The following RBFOX1 variants were observed in gnomAD, a reference collection of about 807,000 sequenced individuals.
RBFOX1 encodes the protein RNA binding fox-1 homolog 1.
Under a neutral mutation model 57.7 loss-of-function variants are expected in RBFOX1, and 8 were observed. That is an observed-to-expected ratio of 0.14 (90% confidence interval 0.08 to 0.25). The LOEUF (loss-of-function observed/expected upper bound fraction) is 0.25, where lower values mean the gene tolerates loss of function less well. Among genes scored for constraint, RBFOX1 ranks in the 10% least tolerant of loss-of-function variants. RBFOX1 has a pLI of 1.00. For missense variants in RBFOX1, 611 were observed against 548.5 expected (o/e 1.11, Z -1.14); for synonymous variants, 326 against 222.4 (o/e 1.47, Z -4.15).
At chr16:7,471,955 C>G (rs948283189) in intron 4 of RBFOX1, among the ~76,000 whole-genome samples, 1 of 151,970 alleles carries the variant, frequency 6.6e-6, no homozygotes, top group African/African-American at 2.4e-5. Flanking sequence ...AAGAAGCTGA[C>G]AAAAAAGGTG....
intron 3 of RBFOX1, among the ~76,000 whole-genome samples, chr16:6,809,412 A>T (rs114361845): frequency 1.3e-5 from 2 of 152,192 alleles, no homozygotes; most frequent in African/African-American, 2.4e-5. Flanking sequence ...ATTATTTTTT[A>T]AAATTTTTGT....
chr16:5,696,683 A>G (rs752776975), intron 3 of RBFOX1, among the ~76,000 whole-genome samples: 7 of 152,156 alleles, frequency 4.6e-5, no homozygotes, highest in African/African-American at 9.7e-5. Context: ...TTTGATATGA[A>G]TTGCATGGAA....
chr16:5,734,843 G>C (rs1158197252), intron 3 of RBFOX1, among the ~76,000 whole-genome samples: 1 of 152,156 alleles, frequency 6.6e-6, no homozygotes, highest in East Asian at 1.9e-4. Flanking sequence ...GTTTAAGAAA[G>C]GTCACTGCAA....
chr16:5,890,284 A>T (rs866688824), intron 4 of RBFOX1, among the ~76,000 whole-genome samples: 1 of 152,192 alleles, frequency 6.6e-6, no homozygotes, highest in Non-Finnish European at 1.5e-5. Flanking sequence ...ACACTGGGCA[A>T]GGTGCCTCTT....
intron 2 of RBFOX1, among the ~76,000 whole-genome samples, chr16:6,456,281 C>G (rs1286198680): frequency 6.6e-6 from 1 of 151,930 alleles, no homozygotes. Flanking sequence ...TATGTGTGTG[C>G]GTGTGTAAGA....
In RBFOX1 at chr16:6,623,713, C is replaced by T. The variant is rs565378850; in HGVS notation, c.-63-30890C>T. Among the ~76,000 whole-genome samples, 16 of 152,000 alleles carry T rather than the reference C, an allele frequency of 1.1e-4. No individual in the cohort carries two copies. The South Asian group carries it at 1.7e-3, about 16-fold the overall frequency. ...TGCGGTGTTTGGTTTTTTGTCCTTG[C>T]GATAGTTTGCTGAGAATGATGGTTT... On this transcript the variant is annotated intron_variant, in intron 2 of 15. Transcript: ENST00000550418.
chr16:7,493,274 A>C (rs1377306261), intron 4 of RBFOX1, among the ~76,000 whole-genome samples: 1 of 152,216 alleles, frequency 6.6e-6, no homozygotes, highest in Non-Finnish European at 1.5e-5. Context: ...GGCGCTCAAC[A>C]GCCACACGTG....
intron 2 of RBFOX1, among the ~76,000 whole-genome samples, chr16:6,451,362 G>A (rs564008000): frequency 6.6e-6 from 1 of 152,120 alleles, no homozygotes; most frequent in South Asian, 2.1e-4. Flanking sequence ...GCTTAACTAT[G>A]TTGCATGCTT....
At chr16:7,308,591 T>G (rs545601518) in intron 4 of RBFOX1, among the ~76,000 whole-genome samples, 3 of 152,302 alleles carry the variant, frequency 2.0e-5, no homozygotes, top group East Asian at 3.9e-4. Flanking sequence ...GTGGTTTGTT[T>G]TAAGTAGTGA....
chr16:7,073,939 C>T (rs183545774), intron 4 of RBFOX1, among the ~76,000 whole-genome samples: 4 of 152,046 alleles, frequency 2.6e-5, no homozygotes, highest in Non-Finnish European at 4.4e-5. Context: ...GTTTGGCAAG[C>T]CACAGTTTAT....
intron 4 of RBFOX1, chr16:7,328,605 G>T (rs2143981390): frequency 6.6e-6 from 1 of 151,770 alleles, no homozygotes; most frequent in African/African-American, 2.4e-5. Flanking sequence ...TGTCATCATG[G>T]AAGGTGGAGA....
chr16:7,591,846 C>T (rs1005518953), intron 7 of RBFOX1, among the ~76,000 whole-genome samples: 2 of 152,180 alleles, frequency 1.3e-5, no homozygotes, highest in African/African-American at 4.8e-5. Flanking sequence ...CAAATTGCTG[C>T]TTCCCTGAGT....
chr16:7,282,454 G>A (rs2095564389), intron 4 of RBFOX1, among the ~76,000 whole-genome samples: 3 of 152,122 alleles, frequency 2.0e-5, no homozygotes, highest in Non-Finnish European at 4.4e-5. Context: ...ATGAAATATG[G>A]GGAAATACAT....
chr16:6,969,293 A>G (rs2084983530), intron 3 of RBFOX1, among the ~76,000 whole-genome samples: 2 of 152,204 alleles, frequency 1.3e-5, no homozygotes, highest in Admixed American at 1.3e-4. Context: ...CAGTTACTCA[A>G]CGAATCCTAT....
At chr16:6,931,283 G>A (rs200871729) in intron 3 of RBFOX1, among the ~76,000 whole-genome samples, 1,752 of 134,002 alleles carry the variant, frequency 0.013, 33 homozygotes, top group African/African-American at 0.029. Flanking sequence ...CTATCTATCT[G>A]TCTGTCTGTC....
intron 3 of RBFOX1, among the ~76,000 whole-genome samples, chr16:7,008,640 CCCTTCCTTCCT>C (rs1332103589): frequency 1.3e-4 from 13 of 96,858 alleles, no homozygotes; most frequent in East Asian, 3.4e-4. Context: ...CTTCCTCCCT[CCCTTCCTTCCT>C]CCTCCCTTCC....
intron 3 of RBFOX1, among the ~76,000 whole-genome samples, chr16:6,864,306 T>G (rs535165197): frequency 6.0e-4 from 92 of 152,152 alleles, no homozygotes; most frequent in Non-Finnish European, 1.1e-3. Context: ...CTTCATTCTT[T>G]CCTTATCCTA....
At chr16:6,257,628 T>C (rs2097676490) in intron 1 of RBFOX1, among the ~76,000 whole-genome samples, 1 of 152,156 alleles carries the variant, frequency 6.6e-6, no homozygotes, top group Non-Finnish European at 1.5e-5. Flanking sequence ...TATGTGTCCA[T>C]GTGTTCTCAT....
chr16:7,518,677 G>T (rs138369934), intron 5 of RBFOX1, among the ~76,000 whole-genome samples: 1 of 151,878 alleles, frequency 6.6e-6, no homozygotes, highest in African/African-American at 2.4e-5. Context: ...TCATCCCAAT[G>T]AAATCTCATT....
Sources: allele counts gnomAD v4.1 joint callset (sites outside exome capture counted in the v4.1 genomes callset), GRCh38; gene constraint gnomAD v4.1.1; transcripts MANE v1.5; gene names NCBI Gene and HGNC (gene_info 2026-07-23, HGNC 2026-07-21).